The following PHACTR3 variants were observed in gnomAD, a reference collection of about 807,000 sequenced individuals.
PHACTR3 encodes protein phosphatase 1, regulatory subunit 123.
PHACTR3 carries 16 observed loss-of-function variants against 66.8 expected under a neutral mutation model. That is an observed-to-expected ratio of 0.24 (90% CI 0.16 to 0.36). The LOEUF is 0.36. PHACTR3 is among the 10% of genes least tolerant of loss of function. The probability of loss-of-function intolerance (pLI) is 1.00; values close to 1 mark genes in which losing one functional copy is unlikely to be tolerated. For missense variants in PHACTR3, 647 were observed against 719.9 expected (o/e 0.90, Z 1.16); for synonymous variants, 323 against 292.1 (o/e 1.11, Z -1.08).
intron 7 of PHACTR3, among the ~76,000 whole-genome samples, chr20:59,786,542 G>C (rs1015302237): frequency 1.3e-5 from 2 of 152,214 alleles, no homozygotes; most frequent in African/African-American, 4.8e-5. Context: ...AACTTCAACA[G>C]GTCAGGGTGG....
intron 1 of PHACTR3, among the ~76,000 whole-genome samples, chr20:59,658,506 G>A (rs1396703444): frequency 6.6e-6 from 1 of 152,092 alleles, no homozygotes; most frequent in African/African-American, 2.4e-5. Flanking sequence ...GGCTATTTTA[G>A]TGTTTATTTC....
At chr20:59,688,625 A>G (rs2036986962) in intron 1 of PHACTR3, among the ~76,000 whole-genome samples, 1 of 152,180 alleles carries the variant, frequency 6.6e-6, no homozygotes, top group African/African-American at 2.4e-5. Flanking sequence ...TTGAAGCCAC[A>G]GAAGCATGTA....
intron 9 of PHACTR3, among the ~76,000 whole-genome samples, chr20:59,836,778 C>A (rs1034925447): frequency 6.6e-6 from 1 of 152,098 alleles, no homozygotes; most frequent in Non-Finnish European, 1.5e-5. Flanking sequence ...TTCCTCTTAG[C>A]ATAAAGATGT....
At chr20:59,708,307 C>A (rs1006525340) in intron 1 of PHACTR3, among the ~76,000 whole-genome samples, 2 of 152,198 alleles carry the variant, frequency 1.3e-5, no homozygotes, top group African/African-American at 4.8e-5. Flanking sequence ...GCATGTTGAT[C>A]ATGGGATAGC....
rs1440544232 is a variant in PHACTR3, at chr20:59,696,549, G to A, written c.119-46558G>A. 4.6e-5 allele frequency among the ~76,000 whole-genome samples: 7 copies of A among 152,268 alleles called. 1 individual carries two copies. The South Asian group carries it at 6.2e-4, about 14-fold the overall frequency. ...ACATGGGGTTTTTCTCCCTGGTCTC[G>A]TTGGGATGCTCTTCACACCTAAGCA... On this transcript the variant is annotated intron_variant, in intron 1 of 12. Coordinates refer to ENST00000371015, the MANE Select transcript of PHACTR3 (RefSeq NM_080672.5).
intron 1 of PHACTR3, among the ~76,000 whole-genome samples, chr20:59,588,709 A>G (rs545684339): frequency 7.0e-6 from 1 of 142,908 alleles, no homozygotes; most frequent in Admixed American, 7.0e-5. Flanking sequence ...TTGCCCTACC[A>G]CCTCCCACCC....
At chr20:59,838,005 T>C (rs371071686) in intron 9 of PHACTR3, among the ~76,000 whole-genome samples, 23 of 152,312 alleles carry the variant, frequency 1.5e-4, no homozygotes, top group African/African-American at 4.8e-4. Context: ...CTTTGGTGAA[T>C]AGGGAGCTAG....
chr20:59,734,586 T>C (rs147886493), intron 1 of PHACTR3, among the ~76,000 whole-genome samples: 1 of 152,302 alleles, frequency 6.6e-6, no homozygotes, highest in Non-Finnish European at 1.5e-5. Context: ...TTTTCTATTA[T>C]GTGTACTAAG....
At position 59,837,075 on chromosome 20, in the gene PHACTR3, G is replaced by A. The variant is rs377350484; in HGVS notation, c.1384+515G>A. On this transcript the variant is annotated intron_variant, in intron 9 of 12. Coordinates refer to ENST00000371015, the MANE Select transcript of PHACTR3 (RefSeq NM_080672.5). ...CAACCCCTTGCATTTCCCGTTAGGT[G>A]GACAATTATAGCATATGCTGAGCAT... Among the ~76,000 whole-genome samples, 82 of 152,234 alleles carry A rather than the reference G, an allele frequency of 5.4e-4. 1 individual carries two copies. The South Asian group carries it at 0.016, about 30-fold the overall frequency.
chr20:59,666,257 T>C (rs2035982084), intron 1 of PHACTR3, among the ~76,000 whole-genome samples: 1 of 152,196 alleles, frequency 6.6e-6, no homozygotes, highest in Non-Finnish European at 1.5e-5. Context: ...ATCTCCTCCC[T>C]GCGCCACATC....
At position 59,847,395 on chromosome 20, in the gene PHACTR3, CTG is replaced by C. The variant is rs749752845; in HGVS notation, c.*267_*268del. 12 of 345,516 alleles carry C rather than the reference CTG, an allele frequency of 3.5e-5. No homozygotes were observed. The highest frequency in any genetic ancestry group is 5.4e-5 in the Non-Finnish European group (10 of 185,216). The allele number at this position is 345,516 out of a possible 1,614,324, so 21.4% of individuals were successfully genotyped here. ...CCAACATAACTCTATCAGAAGAAAA[CTG>C]TTGTTTGCCTTTCAACCTTGTTTTA... On this transcript the variant is annotated 3_prime_UTR_variant, in exon 13 of 13. Coordinates refer to ENST00000371015, the MANE Select transcript of PHACTR3 (RefSeq NM_080672.5).
chr20:59,720,663 C>A (rs1237375513), intron 1 of PHACTR3, among the ~76,000 whole-genome samples: 1 of 152,318 alleles, frequency 6.6e-6, no homozygotes, highest in East Asian at 1.9e-4. Context: ...ATCAGCTCTT[C>A]CAAATTGTGT....
At chr20:59,814,924 G>C (rs890659535) in intron 8 of PHACTR3, among the ~76,000 whole-genome samples, 1 of 152,072 alleles carries the variant, frequency 6.6e-6, no homozygotes, top group East Asian at 1.9e-4. Context: ...AAGGGTAAAG[G>C]GCTTCTGTTT....
At chr20:59,845,062 TTTG>T in intron 11 of PHACTR3, 124 bp from the exon 12 acceptor site, 1 of 578,150 alleles carries the variant, frequency 1.7e-6, no homozygotes, top group Non-Finnish European at 3.0e-6. Flanking sequence ...CAAAAAATTG[TTTG>T]TTTTTTTCTG....
chr20:59,608,778 TC>T (rs2033753091), intron 1 of PHACTR3, among the ~76,000 whole-genome samples: 1 of 152,212 alleles, frequency 6.6e-6, no homozygotes, highest in East Asian at 1.9e-4. Flanking sequence ...GTCCTTCCAG[TC>T]CTTCAGACCT....
chr20:59,785,944 C>G (rs967310808), intron 7 of PHACTR3, among the ~76,000 whole-genome samples: 1 of 152,198 alleles, frequency 6.6e-6, no homozygotes, highest in Non-Finnish European at 1.5e-5. Flanking sequence ...CTCTGCCTCC[C>G]CTGCATCCCC....
At chr20:59,688,223 T>C (rs925329080) in intron 1 of PHACTR3, among the ~76,000 whole-genome samples, 5 of 152,254 alleles carry the variant, frequency 3.3e-5, no homozygotes, top group African/African-American at 1.2e-4. Context: ...TACATTATCA[T>C]GCAGCTACGA....
chr20:59,670,468 C>G (rs2036149757), intron 1 of PHACTR3, among the ~76,000 whole-genome samples: 1 of 152,174 alleles, frequency 6.6e-6, no homozygotes, highest in East Asian at 1.9e-4. Flanking sequence ...GTCCCCTGCC[C>G]TGGACAAGCT....
intron 8 of PHACTR3, among the ~76,000 whole-genome samples, chr20:59,814,113 G>A (rs1181490726): frequency 2.6e-5 from 4 of 152,170 alleles, no homozygotes; most frequent in East Asian, 1.9e-4. Context: ...TGGCTCTCCC[G>A]AGAAGCAGCC....
Sources: gnomAD v4.1 joint callset for allele counts (sites outside exome capture counted in the v4.1 genomes callset) on GRCh38, gnomAD v4.1.1 for gene constraint, MANE v1.5 for transcripts, NCBI Gene and HGNC (gene_info 2026-07-23, HGNC 2026-07-21) for gene names.